The following LPCAT1 variants were observed in gnomAD, a reference collection of about 807,000 sequenced individuals.
LPCAT1 encodes the protein lysophosphatidylcholine acyltransferase 1, also known as 1-acylglycerol-3-phosphate O-acyltransferase.
In LPCAT1, 23 loss-of-function variants were observed where a neutral mutation model predicts 60.9. The ratio of observed to expected loss-of-function variants is 0.38; its 90% CI spans 0.27 to 0.53. The LOEUF is 0.53. Ranked by LOEUF, LPCAT1 falls within the 20% of genes least tolerant of loss-of-function variation. LPCAT1 has a pLI of 0.82. For synonymous variants in LPCAT1, 340 were observed against 301.1 expected, an observed-to-expected ratio of 1.13 and a Z score of -1.34; for missense variants, 622 against 723.6, an observed-to-expected ratio of 0.86 and a Z score of 1.61.
intron 3 of LPCAT1, among the ~76,000 whole-genome samples, chr5:1,494,165 G>A (rs1365543846): frequency 2.6e-5 from 4 of 152,316 alleles, no homozygotes; most frequent in Middle Eastern, 3.4e-3. Flanking sequence ...CGGCACAGCC[G>A]CGGTGCATGG....
At chr5:1,492,199 T>C (rs1490581723) in intron 3 of LPCAT1, among the ~76,000 whole-genome samples, 3 of 140,010 alleles carry the variant, frequency 2.1e-5, no homozygotes, top group Admixed American at 7.1e-5. Flanking sequence ...TGAGCTGGGA[T>C]GGGGGAAGAT....
At chr5:1,484,624 T>C (rs977410131) in intron 5 of LPCAT1, among the ~76,000 whole-genome samples, 13 of 152,158 alleles carry the variant, frequency 8.5e-5, no homozygotes, top group African/African-American at 7.2e-5. Context: ...TGCTTGCCCC[T>C]AGGGCTGCCA....
intron 4 of LPCAT1, 132 bp downstream of exon 4, chr5:1,489,614 C>T (rs1467695808): frequency 1.3e-6 from 1 of 767,668 alleles, no homozygotes. Flanking sequence ...CTCCTGAGTT[C>T]ACGCACTCAC....
At chr5:1,503,154 C>T (rs1479912961) in intron 1 of LPCAT1, among the ~76,000 whole-genome samples, 1 of 152,136 alleles carries the variant, frequency 6.6e-6, no homozygotes. Flanking sequence ...CGAGAGATGA[C>T]GACCTCTAAT....
intron 2 of LPCAT1, 39 bp downstream of exon 2, chr5:1,501,422 C>A (rs1172923778): frequency 1.3e-6 from 2 of 1,573,710 alleles, no homozygotes; most frequent in Non-Finnish European, 1.7e-6. Flanking sequence ...GCCGCGTGAC[C>A]CCCCCCCAGG....
intron 1 of LPCAT1, among the ~76,000 whole-genome samples, chr5:1,514,530 G>A (rs1393842281): frequency 6.6e-6 from 1 of 152,206 alleles, no homozygotes; most frequent in African/African-American, 2.4e-5. Flanking sequence ...GGGCCCACAG[G>A]TGGTCAAGTG....
intron 9 of LPCAT1, 57 bp from the exon 10 acceptor site, chr5:1,474,742 C>A (rs1734830766): frequency 6.4e-7 from 1 of 1,564,148 alleles, no homozygotes; most frequent in Non-Finnish European, 8.7e-7. Flanking sequence ...GTTCCCACCG[C>A]CCCACCAGAA....
Position 1,481,916 on chromosome 5 carries a change from A to G in LPCAT1, c.727-940T>C, listed in dbSNP as rs1281311854. Reference sequence around the variant, plus strand: ...AAGCCCGGCAGGCATCGGACGGGACAGGCCCTGAGGCGGATGGCCCAGAAC... The same window carrying G: ...AAGCCCGGCAGGCATCGGACGGGACGGGCCCTGAGGCGGATGGCCCAGAAC... On this transcript the variant is annotated intron_variant, in intron 6 of 13. Transcript: ENST00000283415. The surrounding 1 kb of genome is among the most constrained non-coding windows in gnomAD (Gnocchi z 7.8). Among the ~76,000 whole-genome samples, 1 of 152,248 alleles carries G rather than the reference A, an allele frequency of 6.6e-6. No homozygotes were observed. The highest frequency in any genetic ancestry group is 1.9e-4 in the East Asian group (1 of 5,194).
rs549251779 is a variant in LPCAT1, at chr5:1,522,967, A to T, written c.135+743T>A. On this transcript the variant is annotated intron_variant, in intron 1 of 13. Transcript: ENST00000283415. This position sits in a 1 kb window ranked among gnomAD's most constrained non-coding sequence, Gnocchi z 6.8. ...TCTCCCCTCACCACTGTCCCATCGC[A>T]GGATCTCAGCAAACCGTTCCCTCCC... Among the ~76,000 whole-genome samples the T allele has an allele frequency of 7.2e-5, 11 of 152,176 alleles. No homozygotes were observed. Among genetic ancestry groups the T allele is most frequent in the Non-Finnish European group, 1.5e-4 (10 of 67,976 alleles).
In LPCAT1 at chr5:1,481,883, G is replaced by C. The variant is rs117216070; in HGVS notation, c.727-907C>G. Among the ~76,000 whole-genome samples the C allele has an allele frequency of 1.3e-3, 196 of 152,372 alleles. 3 individuals carry two copies. In the South Asian group the frequency reaches 0.029, roughly 23 times the overall value. ...TATTACCTGACCGTCAGCTCTCCGG[G>C]CAAAGTGAAGCCCGGCAGGCATCGG... On this transcript the variant is annotated intron_variant, in intron 6 of 13. Coordinates refer to ENST00000283415, the MANE Select transcript of LPCAT1 (RefSeq NM_024830.5). This position sits in a 1 kb window ranked among gnomAD's most constrained non-coding sequence, Gnocchi z 7.8.
In LPCAT1 at chr5:1,488,905, C is replaced by T. The variant is rs76185195; in HGVS notation, c.607-454G>A. On this transcript the variant is annotated intron_variant, in intron 4 of 13. Transcript: ENST00000283415. ...CGAAGGAGGGCTGGGACCCCAGCAA[C>T]GGGCTGGATGAGCAGGAGAGCCGAG... Among the ~76,000 whole-genome samples, 852 of 152,356 alleles carry T rather than the reference C, an allele frequency of 5.6e-3. 5 individuals are homozygous for T. Among genetic ancestry groups the T allele is most frequent in the East Asian group, 0.031 (163 of 5,186 alleles).
In LPCAT1 at chr5:1,483,835, C is replaced by T. The variant is rs866246962; in HGVS notation, c.668-349G>A. ...GGAGGGACACTTTCTGCTGTAACAT[C>T]GCGCACCAGCTGGAAGGCGTCTGTG... On this transcript the variant is annotated intron_variant, in intron 5 of 13. Coordinates refer to ENST00000283415, the MANE Select transcript of LPCAT1 (RefSeq NM_024830.5). This position sits in a 1 kb window ranked among gnomAD's most constrained non-coding sequence, Gnocchi z 9.2. Among the ~76,000 whole-genome samples, 2 of 146,794 alleles carry T rather than the reference C, an allele frequency of 1.4e-5. No individual in the cohort carries two copies. The highest frequency in any genetic ancestry group is 2.6e-5 in the African/African-American group (1 of 38,428).
At chr5:1,466,209 C>T (rs1043814177) in intron 13 of LPCAT1, among the ~76,000 whole-genome samples, 9 of 152,204 alleles carry the variant, frequency 5.9e-5, no homozygotes, top group South Asian at 2.1e-4. Context: ...AAATATCAAC[C>T]GCCATTACCG....
rs1469632956 is a variant in LPCAT1 at position 1,463,736 on chromosome 5, G to A, written c.1520C>T (p.Ala507Val). 1.2e-6 allele frequency: 2 copies of A among 1,614,156 alleles called. No individual in the cohort carries two copies. Among genetic ancestry groups the A allele is most frequent in the Non-Finnish European group, 1.7e-6 (2 of 1,180,064 alleles). The change falls in exon 14 of 14, where the codon GCG becomes GTG. Residue 507 changes from alanine (A) to valine (V), a missense_variant. Physicochemically the swap from Ala to Val is moderately conservative, Grantham distance 64. Transcript: ENST00000283415. The part of the protein sequence containing the change: ...HFESCAETSP[A>V]PIPNGFCADF... ...GGCACAGAAGCCGTTTGGGATTGGC[G>A]CAGGTGAGGTCTCTGCACAGCTTTC...
At chr5:1,497,439 G>A (rs1735836750) in intron 2 of LPCAT1, among the ~76,000 whole-genome samples, 1 of 152,260 alleles carries the variant, frequency 6.6e-6, no homozygotes, top group Non-Finnish European at 1.5e-5. Context: ...AGGCAGAGTG[G>A]AGCCGGCCCT....
At position 1,494,890 on chromosome 5, in the gene LPCAT1, G is replaced by A. The variant is rs759078239; in HGVS notation, c.303C>T (p.Ala101=). Residue 101 remains alanine, a synonymous_variant, in exon 3 of 14, where the codon GCC becomes GCT. Coordinates refer to ENST00000283415, the MANE Select transcript of LPCAT1 (RefSeq NM_024830.5). The stretch of plus-strand genomic sequence containing the variant: ...CGGCGAACCACATGGTGCGCATGAT[G>A]GCCTTCAGCAGGAAGTCCACAACCC... ...WRKVVDFLLK[A]IMRTMWFAGG... The A allele has an allele frequency of 2.3e-5, 37 of 1,611,872 alleles. No homozygotes were observed. The highest frequency in any genetic ancestry group is 3.1e-5 in the Non-Finnish European group (36 of 1,179,002).
intron 3 of LPCAT1, 54 bp from the exon 4 acceptor site, chr5:1,489,912 AGGGCTGAGGAACGAGG>A: frequency 7.7e-7 from 1 of 1,306,516 alleles, no homozygotes. Context: ...CCCGCCAGGC[AGGGCTGAGGAACGAGG>A]GGGCTGCTGC....
In LPCAT1 at chr5:1,501,749, G is replaced by C. The variant is rs1736017453; in HGVS notation, c.136-146C>G. ...TGCAGCTGGCACACAGCTGACCAAGGCTGACCAGCACTGACCGAGGCTGAC... is the reference window on the plus strand; with the variant it reads ...TGCAGCTGGCACACAGCTGACCAAGCCTGACCAGCACTGACCGAGGCTGAC... On this transcript the variant is annotated intron_variant, in intron 1 of 13. Transcript: ENST00000283415. 8 of 831,498 alleles carry C rather than the reference G, an allele frequency of 9.6e-6. No homozygotes were observed. The Admixed American group carries it at 1.7e-4, about 18-fold the overall frequency. 51.5% of individuals were successfully genotyped at this position (831,498 alleles called of 1,614,324 possible).
chr5:1,514,035 C>T (rs1355383851), intron 1 of LPCAT1, among the ~76,000 whole-genome samples: 3 of 152,248 alleles, frequency 2.0e-5, no homozygotes, highest in African/African-American at 4.8e-5. Context: ...CGTGCAGAAA[C>T]GGGCCCTGGA....
Sources: gnomAD v4.1 joint callset for allele counts (sites outside exome capture counted in the v4.1 genomes callset) on GRCh38, gnomAD v4.1.1 for gene constraint, Gnocchi (gnomAD v3.1) non-coding constraint, MANE v1.5 for transcripts, NCBI Gene and HGNC (gene_info 2026-07-23, HGNC 2026-07-21) for gene names.